The following PLEKHH1 variants were observed in gnomAD, a reference collection of about 807,000 sequenced individuals.
PLEKHH1 encodes the protein pleckstrin homology, MyTH4 and FERM domain containing H1.
A neutral mutation model predicts 160.0 loss-of-function variants in PLEKHH1; 104 were observed. The ratio of observed to expected loss-of-function variants is 0.65; its 90% CI spans 0.55 to 0.76. The LOEUF (loss-of-function observed/expected upper bound fraction) is 0.76, where lower values mean the gene tolerates loss of function less well. Among genes scored for constraint, PLEKHH1 ranks in the 30% least tolerant of loss-of-function variants. The pLI is 0.00. For missense variants in PLEKHH1, 1,427 were observed against 1,724.1 expected (o/e 0.83, Z 3.05); for synonymous variants, 619 against 678.4 (o/e 0.91, Z 1.36).
rs192152794 is a variant in PLEKHH1, at chr14:67,564,376, G to A, written c.1263+1482G>A. Among the ~76,000 whole-genome samples the A allele has an allele frequency of 2.0e-3, 298 of 152,306 alleles. 2 individuals are homozygous for A. The highest frequency in any genetic ancestry group is 6.6e-3 in the South Asian group (32 of 4,828). ...TACTTCAGAAGCAATGATCTGGTTG[G>A]TGGCCAAGGGTGGGGACACAGATGA... On this transcript the variant is annotated intron_variant, in intron 7 of 28. Coordinates refer to ENST00000329153, the MANE Select transcript of PLEKHH1 (RefSeq NM_020715.3).
At chr14:67,540,113 T>G (rs1389686265) in intron 1 of PLEKHH1, among the ~76,000 whole-genome samples, 1 of 152,102 alleles carries the variant, frequency 6.6e-6, no homozygotes, top group Non-Finnish European at 1.5e-5. Context: ...GCAACAAATT[T>G]TTATTATGGA....
At position 67,589,583 on chromosome 14, in the gene PLEKHH1, C is replaced by T. The variant is rs1251805569; in HGVS notation, c.*2348C>T. The T allele has an allele frequency of 1.0e-6, 1 of 985,442 alleles. No individual in the cohort carries two copies. Among genetic ancestry groups the T allele is most frequent in the Non-Finnish European group, 1.2e-6 (1 of 830,096 alleles). 61.0% of individuals were successfully genotyped at this position (985,442 alleles called of 1,614,324 possible). ...GTTTATTAACAGTAAATAAATAAGC[C>T]CTGTACAGAACACAGGCACTAGGTT... On this transcript the variant is annotated 3_prime_UTR_variant, in exon 29 of 29. Coordinates refer to ENST00000329153, the MANE Select transcript of PLEKHH1 (RefSeq NM_020715.3).
At chr14:67,559,172 C>A (rs1035995413) in intron 4 of PLEKHH1, among the ~76,000 whole-genome samples, 1 of 152,190 alleles carries the variant, frequency 6.6e-6, no homozygotes, top group Admixed American at 6.5e-5. Context: ...ATGGAAATAC[C>A]TCAGTTATCT....
intron 1 of PLEKHH1, among the ~76,000 whole-genome samples, chr14:67,538,316 C>T (rs532345850): frequency 6.6e-6 from 1 of 152,324 alleles, no homozygotes; most frequent in East Asian, 1.9e-4. Flanking sequence ...TCTGCTACTC[C>T]TTAGCTCTAT....
chr14:67,536,550 T>A lies in PLEKHH1; in HGVS notation c.-35+3152T>A, dbSNP rs777856677. ...AATGCCTCCTGCATCCTCCACAAGA[T>A]AGAGGCAATGAGCTATTTTGAGGCC... On this transcript the variant is annotated intron_variant, in intron 1 of 28. Coordinates refer to ENST00000329153, the MANE Select transcript of PLEKHH1 (RefSeq NM_020715.3). 9.5e-4 allele frequency among the ~76,000 whole-genome samples: 144 copies of A among 151,896 alleles called. 2 individuals are homozygous for A. The highest frequency in any genetic ancestry group is 1.7e-3 in the Non-Finnish European group (119 of 68,012).
At chr14:67,536,684 A>G (rs1051855205) in intron 1 of PLEKHH1, among the ~76,000 whole-genome samples, 3 of 151,820 alleles carry the variant, frequency 2.0e-5, no homozygotes, top group Non-Finnish European at 4.4e-5. Context: ...AAGCCACAAT[A>G]TCTTTATTCA....
chr14:67,577,871 G>C (rs1161286367), intron 18 of PLEKHH1, among the ~76,000 whole-genome samples, 152 bp from the exon 19 acceptor site: 1 of 152,118 alleles, frequency 6.6e-6, no homozygotes, highest in Non-Finnish European at 1.5e-5. Flanking sequence ...TTAGTAAGCA[G>C]AGATGCCCTC....
At position 67,557,294 on chromosome 14, in the gene PLEKHH1, A is replaced by C; in HGVS notation, c.215A>C (p.Lys72Thr). The change falls in exon 4 of 29, where the codon AAA (lysine) becomes ACA (threonine). Residue 72 changes from lysine to threonine, a missense_variant. Around this residue, in one of 6 missense-constraint regions of PLEKHH1, gnomAD observed 831 missense variants for 929.2 expected, o/e 0.89. Transcript: ENST00000329153. ...GTGGGTGTCATGGAAGAGAAGGTAA[A>C]ACTATCCAATCTGAAGAATGTGGAC... ...TQVGVMEEKV[K>T]LSNLKNVDSE... The C allele has an allele frequency of 6.2e-7, 1 of 1,613,866 alleles. No homozygotes were observed. The highest frequency in any genetic ancestry group is 8.5e-7 in the Non-Finnish European group (1 of 1,179,758).
chr14:67,561,951 C>T lies in PLEKHH1; in HGVS notation c.424-3C>T, dbSNP rs774930089. On this transcript the variant is annotated splice_region_variant and splice_polypyrimidine_tract_variant and intron_variant, in intron 5 of 28. Transcript: ENST00000329153. ...CTAAATCTTCATTTTTCTTTTTGCT[C>T]AGCTTGAGATGGAGAATCAGCATCT... 1.6e-5 allele frequency: 26 copies of T among 1,610,518 alleles called. No homozygotes were observed. Among genetic ancestry groups the T allele is most frequent in the Non-Finnish European group, 2.0e-5 (24 of 1,177,408 alleles).
rs537846771 is a variant in PLEKHH1 at position 67,566,664 on chromosome 14, T to G, written c.1264-2474T>G. On this transcript the variant is annotated intron_variant, in intron 7 of 28. Coordinates refer to ENST00000329153, the MANE Select transcript of PLEKHH1 (RefSeq NM_020715.3). ...TCAGGAGGCTTAAGTGGAAGTTAAG[T>G]TTGAGCCCAGGGAGGTGAAGGTTGC... Among the ~76,000 whole-genome samples, 6 of 151,596 alleles carry G rather than the reference T, an allele frequency of 4.0e-5. No individual in the cohort carries two copies. The South Asian group carries it at 1.3e-3, about 32-fold the overall frequency.
intron 20 of PLEKHH1, 118 bp from the exon 21 acceptor site, chr14:67,579,016 T>G: frequency 1.4e-6 from 1 of 708,650 alleles, no homozygotes; most frequent in South Asian, 1.6e-5. Flanking sequence ...TTCAGGGCTT[T>G]TCTCACAACC....
At chr14:67,542,647 T>C (rs2034016757) in intron 2 of PLEKHH1, among the ~76,000 whole-genome samples, 1 of 152,248 alleles carries the variant, frequency 6.6e-6, no homozygotes, top group Admixed American at 6.5e-5. Flanking sequence ...TGACCACCTT[T>C]CCTAATGTTT....
intron 7 of PLEKHH1, 71 bp from the exon 8 acceptor site, chr14:67,569,067 C>T (rs2035243817): frequency 1.9e-6 from 2 of 1,061,112 alleles, no homozygotes; most frequent in African/African-American, 1.5e-5. Flanking sequence ...ATGCTTTTTC[C>T]TGCACATGCC....
chr14:67,573,317 C>G lies in PLEKHH1; in HGVS notation c.1770C>G (p.Ser590Arg), dbSNP rs1432457067. 6.2e-7 allele frequency: 1 copy of G among 1,613,610 alleles called. No individual in the cohort carries two copies. Among genetic ancestry groups the G allele is most frequent in the Non-Finnish European group, 8.5e-7 (1 of 1,179,646 alleles). Residue 590 changes from serine (S) to arginine (R), a missense_variant, in exon 12 of 29, where the codon AGC (serine) becomes AGG (arginine). Physicochemically the swap from Ser to Arg is moderately radical, Grantham distance 110. Coordinates refer to ENST00000329153, the MANE Select transcript of PLEKHH1 (RefSeq NM_020715.3). The surrounding 1 kb of genome is among the most constrained non-coding windows in gnomAD (Gnocchi z 4.8). The part of the protein sequence containing the change: ...EKSGYLLKMG[S>R]QVKTWKRRWF... ...CGGGCTACCTGCTGAAAATGGGGAGCCAGGTGAAGACGTGGAAGAGGCGCT... is the reference window on the plus strand; with the variant it reads ...CGGGCTACCTGCTGAAAATGGGGAGGCAGGTGAAGACGTGGAAGAGGCGCT...
chr14:67,566,294 TC>T (rs11340698), intron 7 of PLEKHH1, among the ~76,000 whole-genome samples: 152,201 of 152,202 alleles, frequency 1, 76,100 homozygotes, highest in Non-Finnish European at 1. Flanking sequence ...AAAGCACTGG[TC>T]CCCCTGGGCT....
At chr14:67,542,076 G>A (rs759438299) in intron 2 of PLEKHH1, 83 bp downstream of exon 2, 6 of 1,293,262 alleles carry the variant, frequency 4.6e-6, no homozygotes, top group Non-Finnish European at 5.2e-6. Flanking sequence ...GGAGAGTTGC[G>A]GAAAGTCAAC....
At chr14:67,584,907 C>A (rs1225742118) in intron 26 of PLEKHH1, among the ~76,000 whole-genome samples, 1 of 152,038 alleles carries the variant, frequency 6.6e-6, no homozygotes, top group Non-Finnish European at 1.5e-5. Context: ...TAACAGGGAC[C>A]CACTTGGTCT....
rs765897483 is a variant in PLEKHH1 at position 67,562,519 on chromosome 14, G to T, written c.888G>T (p.Gly296=). ...CTGCTCAGAGAGGGATGCTCCCTGG[G>T]ACAAAGACCTCTGCCAGGGAAGGTG... The part of the protein sequence containing the change: ...LVTAQRGMLP[G]TKTSAREGGP... The change falls in exon 7 of 29, where the codon GGG becomes GGT. Residue 296 remains glycine (G), a synonymous_variant. Transcript: ENST00000329153. 3.1e-6 allele frequency: 5 copies of T among 1,610,522 alleles called. No homozygotes were observed. Among genetic ancestry groups the T allele is most frequent in the Admixed American group, 1.7e-5 (1 of 59,936 alleles).
At chr14:67,540,750 T>A (rs956901176) in intron 1 of PLEKHH1, among the ~76,000 whole-genome samples, 2 of 152,214 alleles carry the variant, frequency 1.3e-5, no homozygotes, top group Non-Finnish European at 2.9e-5. Flanking sequence ...GAAGCATCAT[T>A]CATCATAATG....
Sources: allele counts gnomAD v4.1 joint callset (sites outside exome capture counted in the v4.1 genomes callset), GRCh38; gene constraint gnomAD v4.1.1; regional missense constraint gnomAD v4.1.1; non-coding constraint Gnocchi (gnomAD v3.1); transcripts MANE v1.5; gene names NCBI Gene and HGNC (gene_info 2026-07-23, HGNC 2026-07-21).